CSGALNACT1: variants seen among roughly 807,000 people sequenced by gnomAD.
CSGALNACT1 encodes beta4GalNAcT-1.
In CSGALNACT1, 52 loss-of-function variants were observed where a neutral mutation model predicts 51.0. The observed-to-expected ratio is 1.02, with a 90% confidence interval of 0.82 to 1.29. CSGALNACT1 has a LOEUF of 1.29. CSGALNACT1 is among the 50% of genes most tolerant of loss of function. The pLI is 0.00. For missense variants in CSGALNACT1, 935 were observed against 679.2 expected (o/e 1.38, Z -4.19); for synonymous variants, 341 against 254.4 (o/e 1.34, Z -3.24).
intron 5 of CSGALNACT1, among the ~76,000 whole-genome samples, chr8:19,445,533 G>C (rs1321804459): frequency 1.3e-5 from 2 of 152,188 alleles, no homozygotes; most frequent in East Asian, 1.9e-4. Context: ...CCAAGGTTCC[G>C]TTGCATTCAT....
At chr8:19,716,292 C>T (rs561265004) in intron 1 of CSGALNACT1, among the ~76,000 whole-genome samples, 2 of 152,038 alleles carry the variant, frequency 1.3e-5, no homozygotes, top group Non-Finnish European at 2.9e-5. Flanking sequence ...TCTGTGCACT[C>T]GGCATATCCT....
chr8:19,622,835 A>G (rs1238437082), intron 1 of CSGALNACT1, among the ~76,000 whole-genome samples: 1 of 152,224 alleles, frequency 6.6e-6, no homozygotes, highest in Non-Finnish European at 1.5e-5. Context: ...GGTGAGAAAA[A>G]TAGAAATTAA....
chr8:19,733,371 T>C (rs1174024401), intron 1 of CSGALNACT1, among the ~76,000 whole-genome samples: 1 of 152,218 alleles, frequency 6.6e-6, no homozygotes, highest in Non-Finnish European at 1.5e-5. Context: ...TGTGGAATTC[T>C]ATTTAAGCAT....
chr8:19,665,553 C>G (rs1280117758), intron 1 of CSGALNACT1, among the ~76,000 whole-genome samples: 2 of 152,194 alleles, frequency 1.3e-5, no homozygotes, highest in Admixed American at 6.5e-5. Context: ...CTGAGGATGA[C>G]TCACCATGCC....
chr8:19,458,486 T>C lies in CSGALNACT1; in HGVS notation c.791A>G (p.Asn264Ser), dbSNP rs201151136. The C allele has an allele frequency of 9.2e-5, 148 of 1,614,200 alleles. No individual in the cohort carries two copies. The highest frequency in any genetic ancestry group is 8.9e-5 in the East Asian group (4 of 44,888). Residue 264 changes from asparagine to serine, a missense_variant, in exon 5 of 10, where the codon AAT becomes AGT. Asn to Ser is a conservative substitution (Grantham distance 46). Transcript: ENST00000454498. ...CCTTTTTGCTAGAGGCACGATAACATTGATAAGCGTGTTGGCCATGTTGAG... is the reference window on the plus strand; with the variant it reads ...CCTTTTTGCTAGAGGCACGATAACACTGATAAGCGTGTTGGCCATGTTGAG...
intron 4 of CSGALNACT1, among the ~76,000 whole-genome samples, chr8:19,476,164 T>A (rs2069565871): frequency 6.6e-6 from 1 of 152,190 alleles, no homozygotes; most frequent in South Asian, 2.1e-4. Context: ...GATGATAGTT[T>A]AAGAAATTTT....
In CSGALNACT1 at chr8:19,621,780, C is replaced by G. The variant is rs1457469217; in HGVS notation, c.-543-19915G>C. On this transcript the variant is annotated intron_variant, in intron 1 of 9. Coordinates refer to the CSGALNACT1 transcript ENST00000332246. ...TGGGCAACAGAACAAGACGCTGTCT[C>G]TAAAAAATAAAAATAAAAGAGTAAA... is the stretch of plus-strand genomic sequence containing the variant. Among the ~76,000 whole-genome samples the G allele has an allele frequency of 2.6e-5, 4 of 152,064 alleles. No homozygotes were observed. In the East Asian group the frequency reaches 7.7e-4, roughly 29 times the overall value.
At chr8:19,501,210 A>G (rs905429077) in intron 4 of CSGALNACT1, among the ~76,000 whole-genome samples, 2 of 145,076 alleles carry the variant, frequency 1.4e-5, no homozygotes, top group African/African-American at 5.1e-5. Flanking sequence ...AGATAGAATC[A>G]GCCTGCAGCC....
intron 4 of CSGALNACT1, among the ~76,000 whole-genome samples, chr8:19,501,246 C>CAAAAAAA (rs35069773): frequency 2.9e-4 from 24 of 83,608 alleles, no homozygotes; most frequent in African/African-American, 5.7e-4. Flanking sequence ...GACTCCGTCT[C>CAAAAAAA]AAAAAAAAAA....
chr8:19,575,195 C>T (rs1049405929), intron 3 of CSGALNACT1, among the ~76,000 whole-genome samples: 2 of 152,194 alleles, frequency 1.3e-5, no homozygotes, highest in African/African-American at 2.4e-5. Context: ...TCCTCTATAA[C>T]CAGGGTATCT....
intron 1 of CSGALNACT1, among the ~76,000 whole-genome samples, chr8:19,737,396 GATAGATAAGGCAAAA>G (rs2064046653): frequency 6.6e-6 from 1 of 152,124 alleles, no homozygotes; most frequent in Admixed American, 6.6e-5. Context: ...CAATTTACAA[GATAGATAAGGCAAAA>G]ATACTAAACA....
At chr8:19,450,310 G>A (rs2062946920) in intron 5 of CSGALNACT1, among the ~76,000 whole-genome samples, 1 of 150,154 alleles carries the variant, frequency 6.7e-6, no homozygotes, top group Non-Finnish European at 1.5e-5. Context: ...AGGAGGAATA[G>A]GAGGAGGAGG....
At chr8:19,619,009 G>T (rs2053457055) in intron 1 of CSGALNACT1, among the ~76,000 whole-genome samples, 1 of 152,102 alleles carries the variant, frequency 6.6e-6, no homozygotes, top group African/African-American at 2.4e-5. Context: ...AGAACTGTCA[G>T]GCTCTATGAT....
At chr8:19,598,028 G>C (rs1013982678) in intron 2 of CSGALNACT1, among the ~76,000 whole-genome samples, 3 of 152,218 alleles carry the variant, frequency 2.0e-5, no homozygotes, top group Non-Finnish European at 4.4e-5. Flanking sequence ...TAAGTCTCAG[G>C]CATGGAGTGA....
chr8:19,677,521 C>T (rs1328710914), intron 1 of CSGALNACT1, among the ~76,000 whole-genome samples: 3 of 152,138 alleles, frequency 2.0e-5, no homozygotes, highest in Non-Finnish European at 2.9e-5. Context: ...GAACAATGAC[C>T]TTCAGTAAGT....
At chr8:19,730,933 C>T (rs1434158305) in intron 1 of CSGALNACT1, among the ~76,000 whole-genome samples, 2 of 152,168 alleles carry the variant, frequency 1.3e-5, no homozygotes, top group Middle Eastern at 3.2e-3. Flanking sequence ...ATTCTTCATG[C>T]CACGAGGACA....
At chr8:19,670,359 A>G (rs1200919219) in intron 1 of CSGALNACT1, among the ~76,000 whole-genome samples, 1 of 152,208 alleles carries the variant, frequency 6.6e-6, no homozygotes. Flanking sequence ...CCTGAATAAA[A>G]ATTGTACCAT....
chr8:19,481,476 G>T (rs542837829), intron 4 of CSGALNACT1, among the ~76,000 whole-genome samples: 1 of 152,194 alleles, frequency 6.6e-6, no homozygotes, highest in East Asian at 1.9e-4. Context: ...TTTATATAAA[G>T]ATCACAGGTC....
rs367639572 is a variant in CSGALNACT1 at position 19,441,639 on chromosome 8, G to C, written c.852-1708C>G. On this transcript the variant is annotated intron_variant, in intron 5 of 9. Coordinates refer to ENST00000454498, the Ensembl canonical transcript of CSGALNACT1. ...CCCTAGAAGAAAACCTAGACAATAC[G>C]ATTCAGGACATAGGCATGGGCAAGG... Among the ~76,000 whole-genome samples, 94 of 152,222 alleles carry C rather than the reference G, an allele frequency of 6.2e-4. No homozygotes were observed. In the East Asian group the frequency reaches 0.015, roughly 24 times the overall value.
Sources: allele counts gnomAD v4.1 joint callset (sites outside exome capture counted in the v4.1 genomes callset), GRCh38; gene constraint gnomAD v4.1.1; transcripts MANE v1.5; gene names NCBI Gene and HGNC (gene_info 2026-07-23, HGNC 2026-07-21).